The following INPP4B variants were observed in gnomAD, a reference collection of about 807,000 sequenced individuals.
INPP4B encodes inositol polyphosphate 4-phosphatase type II.
A neutral mutation model predicts 122.5 loss-of-function variants in INPP4B; 55 were observed. The ratio of observed to expected loss-of-function variants is 0.45; its 90% confidence interval spans 0.36 to 0.56. INPP4B has a LOEUF of 0.56. Among genes scored for constraint, INPP4B ranks in the 20% least tolerant of loss-of-function variants. The probability of loss-of-function intolerance (pLI) is 0.00; values close to 1 mark genes in which losing one functional copy is unlikely to be tolerated. For synonymous variants in INPP4B, 403 were observed against 388.7 expected (o/e 1.04, Z -0.43); for missense variants, 1,000 against 1,097.7 (o/e 0.91, Z 1.26).
chr4:142,088,562 A>T (rs1425673736), intron 23 of INPP4B, among the ~76,000 whole-genome samples: 1 of 152,116 alleles, frequency 6.6e-6, no homozygotes, highest in Non-Finnish European at 1.5e-5. Flanking sequence ...CTCTTGGCAT[A>T]TGTATATAGG....
chr4:142,747,874 G>GT (rs1769014629), intron 1 of INPP4B, among the ~76,000 whole-genome samples: 2 of 136,532 alleles, frequency 1.5e-5, no homozygotes, highest in Non-Finnish European at 1.7e-5. Context: ...CTGTCAAGGG[G>GT]TGGGGGAGCT....
intron 2 of INPP4B, among the ~76,000 whole-genome samples, chr4:142,534,807 C>T (rs1365037750): frequency 6.6e-6 from 1 of 151,772 alleles, no homozygotes; most frequent in Non-Finnish European, 1.5e-5. Flanking sequence ...AATTTCCTTG[C>T]TCTTAAATTT....
intron 7 of INPP4B, among the ~76,000 whole-genome samples, chr4:142,366,906 G>A (rs74991330): frequency 0.015 from 2,277 of 152,202 alleles, 73 homozygotes; most frequent in African/African-American, 0.051. Context: ...AGCTGAAGAG[G>A]ATTAAAGGAA....
chr4:142,438,606 A>G (rs1014964613), intron 3 of INPP4B, among the ~76,000 whole-genome samples: 2 of 152,248 alleles, frequency 1.3e-5, no homozygotes, highest in African/African-American at 4.8e-5. Flanking sequence ...ACCCTAGAAG[A>G]AAACCTAGGA....
At chr4:142,255,931 C>T (rs1218205245) in intron 11 of INPP4B, among the ~76,000 whole-genome samples, 16 of 145,182 alleles carry the variant, frequency 1.1e-4, no homozygotes, top group African/African-American at 3.8e-4. Flanking sequence ...ACACCTATTC[C>T]AAAATTGACC....
chr4:142,732,349 A>G (rs1766223799), intron 1 of INPP4B, among the ~76,000 whole-genome samples: 1 of 151,984 alleles, frequency 6.6e-6, no homozygotes, highest in Non-Finnish European at 1.5e-5. Flanking sequence ...ATATTTTAAA[A>G]TAAAAATTCC....
chr4:142,114,628 T>C (rs563614395), intron 21 of INPP4B, among the ~76,000 whole-genome samples: 7 of 152,216 alleles, frequency 4.6e-5, no homozygotes, highest in South Asian at 2.1e-4. Flanking sequence ...GTCATTATTA[T>C]TGAGTTGTAA....
At chr4:142,200,011 C>G (rs1049390770) in intron 14 of INPP4B, among the ~76,000 whole-genome samples, 3 of 152,022 alleles carry the variant, frequency 2.0e-5, no homozygotes, top group Admixed American at 2.0e-4. Context: ...TGAATTGTTA[C>G]TGATATATCT....
intron 2 of INPP4B, among the ~76,000 whole-genome samples, chr4:142,525,309 C>T (rs1451876530): frequency 1.3e-5 from 2 of 149,282 alleles, no homozygotes; most frequent in African/African-American, 4.9e-5. Flanking sequence ...AATGGCCATA[C>T]TGCCCAAGGT....
intron 2 of INPP4B, among the ~76,000 whole-genome samples, chr4:142,718,331 C>A (rs1353234563): frequency 6.6e-6 from 1 of 152,148 alleles, no homozygotes; most frequent in East Asian, 1.9e-4. Context: ...GTAGTTAAAA[C>A]AGTTTGTTTA....
chr4:142,108,465 T>C (rs146262382), intron 22 of INPP4B, among the ~76,000 whole-genome samples: 21 of 97,874 alleles, frequency 2.1e-4, no homozygotes, highest in Admixed American at 1.9e-3. Context: ...TCTCTGTGCA[T>C]GGACATAATT....
rs1359943728 is a variant in INPP4B at position 142,810,064 on chromosome 4, G to T, written c.-254+36145C>A. ...GGGTGCCTGTAATCCCAGCTACTCG[G>T]GGGGCTGAGGCAGGAGAATTGCTTG... On this transcript the variant is annotated intron_variant, in intron 1 of 25. Transcript: ENST00000262992. 5.3e-5 allele frequency among the ~76,000 whole-genome samples: 8 copies of T among 151,904 alleles called. No homozygotes were observed. In the East Asian group the frequency reaches 1.5e-3, roughly 29 times the overall value.
At chr4:142,631,951 T>C (rs1223978424) in intron 2 of INPP4B, among the ~76,000 whole-genome samples, 1 of 152,094 alleles carries the variant, frequency 6.6e-6, no homozygotes, top group Non-Finnish European at 1.5e-5. Context: ...CAGACAGATC[T>C]CCACACTGTT....
At chr4:142,761,260 C>T (rs140417751) in intron 1 of INPP4B, among the ~76,000 whole-genome samples, 3 of 151,846 alleles carry the variant, frequency 2.0e-5, no homozygotes, top group Middle Eastern at 3.4e-3. Flanking sequence ...CTTTCCCTCT[C>T]GGTCATGCTA....
intron 14 of INPP4B, chr4:142,202,761 A>AGATATC: frequency 1.0e-6 from 1 of 985,010 alleles, no homozygotes; most frequent in Non-Finnish European, 1.2e-6. Context: ...ATCCCACTTG[A>AGATATC]GATATCTGAA....
chr4:142,395,980 A>C (rs934899531), intron 7 of INPP4B, among the ~76,000 whole-genome samples: 1 of 152,174 alleles, frequency 6.6e-6, no homozygotes, highest in Non-Finnish European at 1.5e-5. Context: ...GCTGCTATAC[A>C]ACATTATCCC....
intron 25 of INPP4B, among the ~76,000 whole-genome samples, chr4:142,069,386 A>G (rs935086435): frequency 2.6e-5 from 4 of 152,238 alleles, no homozygotes; most frequent in Non-Finnish European, 4.4e-5. Flanking sequence ...AGCAGGAAAG[A>G]TCTAAAATCA....
intron 7 of INPP4B, among the ~76,000 whole-genome samples, chr4:142,365,834 G>A (rs1179940378): frequency 2.0e-5 from 3 of 151,540 alleles, no homozygotes; most frequent in African/African-American, 4.9e-5. Context: ...ACTTACTCAG[G>A]GTAACTTTGA....
rs1580782777 is a variant in INPP4B, at chr4:142,725,774, A to C, written c.-191+65T>G. On this transcript the variant is annotated intron_variant, in intron 2 of 25. Transcript: ENST00000262992. ...CAATATCTAAAACGAATAATCAAGG[A>C]AAGTCAACTAGTTTCATGTAGAGTT... 1.3e-5 allele frequency: 5 copies of C among 396,954 alleles called. No individual in the cohort carries two copies. In the East Asian group the frequency reaches 1.8e-4, roughly 14 times the overall value. The allele number at this position is 396,954 out of a possible 1,614,324, so 24.6% of individuals were successfully genotyped here.
Sources: gnomAD v4.1 joint callset for allele counts (sites outside exome capture counted in the v4.1 genomes callset) on GRCh38, gnomAD v4.1.1 for gene constraint, MANE v1.5 for transcripts, NCBI Gene and HGNC (gene_info 2026-07-23, HGNC 2026-07-21) for gene names.